Variants in MACROH2A2 observed in about 807,000 individuals in gnomAD.
MACROH2A2 encodes macroH2A.2 histone.
A neutral mutation model predicts 37.6 loss-of-function variants in MACROH2A2; 6 were observed. The observed-to-expected ratio is 0.16, with a 90% confidence interval of 0.09 to 0.32. The LOEUF (loss-of-function observed/expected upper bound fraction) is 0.32. Ranked by LOEUF, MACROH2A2 falls within the 10% of genes least tolerant of loss-of-function variation. The pLI, the probability that MACROH2A2 is intolerant of heterozygous loss-of-function variation, is 1.00. For synonymous variants in MACROH2A2, 192 were observed against 202.7 expected, an observed-to-expected ratio of 0.95 and a Z score of 0.45; for missense variants, 290 against 485.9, an observed-to-expected ratio of 0.60 and a Z score of 3.79.
chr10:70,062,027 A>G (rs2072053245), intron 1 of MACROH2A2, among the ~76,000 whole-genome samples: 2 of 152,364 alleles, frequency 1.3e-5, no homozygotes, highest in Admixed American at 1.3e-4. Flanking sequence ...AGCTCTTATT[A>G]CTGAAAATGA....
At chr10:70,110,097 T>C (rs967099520) in intron 8 of MACROH2A2, among the ~76,000 whole-genome samples, 6 of 152,288 alleles carry the variant, frequency 3.9e-5, no homozygotes, top group Middle Eastern at 3.4e-3. Flanking sequence ...CCAGAGATGC[T>C]GTGAGATGCA....
At chr10:70,059,028 T>G (rs1413714480) in intron 1 of MACROH2A2, among the ~76,000 whole-genome samples, 3 of 152,128 alleles carry the variant, frequency 2.0e-5, no homozygotes, top group Non-Finnish European at 4.4e-5. Context: ...TCAAGCAGAT[T>G]TTTTCAGGTC....
Position 70,093,755 on chromosome 10 carries a change from T to C in MACROH2A2, c.498T>C (p.Asp166=), listed in dbSNP as rs1268229505. The part of the protein sequence containing the change: ...TSKKSKPKDS[D]KEGTSNSTSE... ...GACAGTCCAAACCAAAGGACAGCGA[T>C]AAAGAAGGAACTTCAAATTCCACCT... The change falls in exon 5 of 9, where the codon GAT becomes GAC. Residue 166 remains aspartate (D), a synonymous_variant. Coordinates refer to ENST00000373255, the MANE Select transcript of MACROH2A2 (RefSeq NM_018649.3). 1 of 1,608,116 alleles carries C rather than the reference T, an allele frequency of 6.2e-7. No individual in the cohort carries two copies. Among genetic ancestry groups the C allele is most frequent in the South Asian group, 1.1e-5 (1 of 90,928 alleles).
intron 1 of MACROH2A2, among the ~76,000 whole-genome samples, chr10:70,067,911 C>T (rs1207570104): frequency 1.3e-5 from 2 of 152,076 alleles, no homozygotes; most frequent in Non-Finnish European, 2.9e-5. Context: ...TGGGTTAAGG[C>T]CTCATCCTTC....
chr10:70,086,907 C>T (rs1250970028), intron 2 of MACROH2A2, among the ~76,000 whole-genome samples: 2 of 152,158 alleles, frequency 1.3e-5, no homozygotes, highest in Admixed American at 6.5e-5. Flanking sequence ...TAAAGCAAGC[C>T]TGCCGGGAAC....
chr10:70,081,784 A>G (rs1444621030), intron 2 of MACROH2A2, among the ~76,000 whole-genome samples: 1 of 152,196 alleles, frequency 6.6e-6, no homozygotes, highest in Non-Finnish European at 1.5e-5. Flanking sequence ...AATGAAATGT[A>G]AAATGGTGCA....
At chr10:70,083,822 G>A (rs569746148) in intron 2 of MACROH2A2, among the ~76,000 whole-genome samples, 50 of 149,282 alleles carry the variant, frequency 3.3e-4, no homozygotes, top group Non-Finnish European at 5.9e-4. Flanking sequence ...CTCCCAGAAC[G>A]GTTATCACGT....
At chr10:70,086,148 C>T (rs550643428) in intron 2 of MACROH2A2, among the ~76,000 whole-genome samples, 1 of 152,062 alleles carries the variant, frequency 6.6e-6, no homozygotes, top group East Asian at 1.9e-4. Flanking sequence ...TAGGCATGAG[C>T]CCTGTGCCTG....
chr10:70,077,687 C>A (rs1441486806), intron 2 of MACROH2A2, among the ~76,000 whole-genome samples: 1 of 152,062 alleles, frequency 6.6e-6, no homozygotes, highest in African/African-American at 2.4e-5. Context: ...CTAGCTAACA[C>A]GGTGAAACCC....
Position 70,098,266 on chromosome 10 carries a change from A to C in MACROH2A2, c.689-1942A>C, listed in dbSNP as rs529631107. 4 of 149,038 alleles carry C rather than the reference A, an allele frequency of 2.7e-5. No homozygotes were observed. In the South Asian group the frequency reaches 6.5e-4, roughly 24 times the overall value. The allele number at this position is 149,038 out of a possible 1,614,324, so 9.2% of individuals were successfully genotyped here. ...ACCATGTCAAGAAATTAAGAAAGGA[A>C]AGAAAGAAAAAGAGAGAGAGAGAGG... is the stretch of plus-strand genomic sequence containing the variant. On this transcript the variant is annotated intron_variant, in intron 6 of 8. Coordinates refer to ENST00000373255, the MANE Select transcript of MACROH2A2 (RefSeq NM_018649.3).
chr10:70,062,119 ACT>A (rs2072053993), intron 1 of MACROH2A2, among the ~76,000 whole-genome samples: 1 of 152,166 alleles, frequency 6.6e-6, no homozygotes, highest in African/African-American at 2.4e-5. Flanking sequence ...ATACAGTCAA[ACT>A]CTATTAGGTG....
chr10:70,089,275 G>A (rs2072229642), intron 2 of MACROH2A2, among the ~76,000 whole-genome samples: 1 of 152,152 alleles, frequency 6.6e-6, no homozygotes, highest in Admixed American at 6.5e-5. Flanking sequence ...TATAGACAGT[G>A]GCTTCAACAA....
chr10:70,055,743 T>C (rs2072011592), intron 1 of MACROH2A2, among the ~76,000 whole-genome samples: 1 of 152,206 alleles, frequency 6.6e-6, no homozygotes. Context: ...CACTATAAAA[T>C]TAATAATGCA....
chr10:70,106,718 G>A (rs984398373), intron 7 of MACROH2A2, among the ~76,000 whole-genome samples: 3 of 148,736 alleles, frequency 2.0e-5, no homozygotes, highest in Non-Finnish European at 3.0e-5. Flanking sequence ...GAATCGAATC[G>A]CTTGAACCCG....
In MACROH2A2 at chr10:70,075,350, A is replaced by C. The variant is rs1156308343; in HGVS notation, c.-59-250A>C. 6.6e-6 allele frequency among the ~76,000 whole-genome samples: 1 copy of C among 152,146 alleles called. No individual in the cohort carries two copies. The highest frequency in any genetic ancestry group is 1.9e-4 in the East Asian group (1 of 5,190). The stretch of plus-strand genomic sequence containing the variant: ...GACCGAGACCTCCCTATTCAGTGAC[A>C]GTTTTCTGTGGCCTTTCCTCTTGAG... On this transcript the variant is annotated intron_variant, in intron 1 of 8. Transcript: ENST00000373255. This position sits in a 1 kb window ranked among gnomAD's most constrained non-coding sequence, Gnocchi z 5.0.
At chr10:70,081,809 T>G (rs970229416) in intron 2 of MACROH2A2, among the ~76,000 whole-genome samples, 10 of 152,106 alleles carry the variant, frequency 6.6e-5, no homozygotes, top group Non-Finnish European at 1.5e-4. Context: ...ATAGTAAAAA[T>G]AATTTAATTG....
chr10:70,056,287 G>C (rs1202404228), intron 1 of MACROH2A2, among the ~76,000 whole-genome samples: 1 of 151,950 alleles, frequency 6.6e-6, no homozygotes, highest in Non-Finnish European at 1.5e-5. Flanking sequence ...AGTATCTCTT[G>C]TCCAGGCTGG....
At chr10:70,080,885 CAAAAAAAAAAA>C (rs149608498) in intron 2 of MACROH2A2, among the ~76,000 whole-genome samples, 1,023 of 32,010 alleles carry the variant, frequency 0.032, 26 homozygotes, top group African/African-American at 0.13. Flanking sequence ...AACTCCATCT[CAAAAAAAAAAA>C]AAAAAAAAAA....
intron 7 of MACROH2A2, among the ~76,000 whole-genome samples, chr10:70,105,135 T>C (rs144965034): frequency 6.6e-6 from 1 of 152,262 alleles, no homozygotes; most frequent in African/African-American, 2.4e-5. Context: ...ATTTGTTGAA[T>C]ATTGGAGCAC....
Sources: allele counts gnomAD v4.1 joint callset (sites outside exome capture counted in the v4.1 genomes callset), GRCh38; gene constraint gnomAD v4.1.1; non-coding constraint Gnocchi (gnomAD v3.1); transcripts MANE v1.5; gene names NCBI Gene and HGNC (gene_info 2026-07-23, HGNC 2026-07-21).